Variants in EXOC2 observed in about 807,000 individuals in gnomAD.
EXOC2 encodes SEC5-like 1.
In EXOC2, 70 loss-of-function variants were observed where a neutral mutation model predicts 131.8. The observed-to-expected ratio is 0.53, with a 90% confidence interval of 0.44 to 0.65. The LOEUF (loss-of-function observed/expected upper bound fraction) is 0.65, where lower values mean the gene tolerates loss of function less well. Among genes scored for constraint, EXOC2 ranks in the 30% least tolerant of loss-of-function variants. EXOC2 has a pLI of 0.00. For missense variants in EXOC2, 923 were observed against 1,108.6 expected (o/e 0.83, Z 2.38); for synonymous variants, 411 against 398.4 (o/e 1.03, Z -0.38).
At position 638,787 on chromosome 6, in the gene EXOC2, G is replaced by A. The variant is rs561825158; in HGVS notation, c.-43-926C>T. ...TTTACTAAAAATACAAAAATTAGCCGACGTGGTGGTGCACGCCTGTAATCC... is the reference window on the plus strand; with the variant it reads ...TTTACTAAAAATACAAAAATTAGCCAACGTGGTGGTGCACGCCTGTAATCC... On this transcript the variant is annotated intron_variant, in intron 1 of 27. Coordinates refer to ENST00000230449, the MANE Select transcript of EXOC2 (RefSeq NM_018303.6). Among the ~76,000 whole-genome samples, 7 of 152,184 alleles carry A rather than the reference G, an allele frequency of 4.6e-5. No homozygotes were observed. The South Asian group carries it at 1.2e-3, about 27-fold the overall frequency.
At chr6:583,602 T>C (rs781158435) in intron 11 of EXOC2, among the ~76,000 whole-genome samples, 10 of 152,168 alleles carry the variant, frequency 6.6e-5, no homozygotes, top group Non-Finnish European at 1.0e-4. Flanking sequence ...GAAATCAAAT[T>C]CTCAAGTCCC....
rs538707324 is a variant in EXOC2, at chr6:656,056, T to C, written c.-43-18195A>G. 5 of 1,335,978 alleles carry C rather than the reference T, an allele frequency of 3.7e-6. No individual in the cohort carries two copies. The South Asian group carries it at 6.5e-5, about 17-fold the overall frequency. The allele number at this position is 1,335,978 out of a possible 1,614,324, so 82.8% of individuals were successfully genotyped here. ...AACCCAATTAACTCAGGGTCTGTTT[T>C]AGTTTTGAAAAGATCAAAACCTTAA... On this transcript the variant is annotated intron_variant, in intron 1 of 27. Coordinates refer to ENST00000230449, the MANE Select transcript of EXOC2 (RefSeq NM_018303.6).
intron 1 of EXOC2, among the ~76,000 whole-genome samples, chr6:685,251 T>C (rs1426059804): frequency 6.6e-6 from 1 of 152,140 alleles, no homozygotes; most frequent in Admixed American, 6.5e-5. Context: ...GCCTTAGCTG[T>C]CCAGAACCAC....
chr6:542,641 C>G (rs1166013765), intron 22 of EXOC2, among the ~76,000 whole-genome samples: 1 of 152,200 alleles, frequency 6.6e-6, no homozygotes, highest in Non-Finnish European at 1.5e-5. Context: ...CAGTCATTAA[C>G]CATCACCTCA....
At chr6:490,946 A>G (rs1388595405) in intron 26 of EXOC2, among the ~76,000 whole-genome samples, 179 bp downstream of exon 26, 1 of 152,216 alleles carries the variant, frequency 6.6e-6, no homozygotes, top group Non-Finnish European at 1.5e-5. Flanking sequence ...TAAATGAAAA[A>G]ATTATATTAA....
At chr6:515,117 T>C (rs1310990791) in intron 23 of EXOC2, among the ~76,000 whole-genome samples, 4 of 152,232 alleles carry the variant, frequency 2.6e-5, no homozygotes, top group Admixed American at 2.6e-4. Flanking sequence ...TTTATAACAT[T>C]GTTATGGTAT....
intron 10 of EXOC2, among the ~76,000 whole-genome samples, chr6:597,248 T>C (rs1172373587): frequency 6.7e-6 from 1 of 149,116 alleles, no homozygotes; most frequent in African/African-American, 2.5e-5. Flanking sequence ...GAGATCTCGG[T>C]TCACTGCAAC....
At chr6:599,922 T>TA (rs1450771622) in intron 7 of EXOC2, among the ~76,000 whole-genome samples, 7 of 152,170 alleles carry the variant, frequency 4.6e-5, no homozygotes, top group Admixed American at 4.6e-4. Context: ...TTGCTTTATT[T>TA]AAAGCAAAAT....
intron 2 of EXOC2, 92 bp from the exon 3 acceptor site, chr6:633,209 T>A (rs1184758435): frequency 8.8e-6 from 12 of 1,362,656 alleles, no homozygotes; most frequent in African/African-American, 1.5e-5. Flanking sequence ...CTAGTCTTGT[T>A]CAATAATGAC....
chr6:570,838 C>T (rs1032324979), intron 13 of EXOC2, among the ~76,000 whole-genome samples: 3 of 152,148 alleles, frequency 2.0e-5, no homozygotes, highest in African/African-American at 7.2e-5. Flanking sequence ...GACAGGGGAG[C>T]ATCTAATCTT....
intron 1 of EXOC2, among the ~76,000 whole-genome samples, chr6:666,370 T>G: frequency 9.8e-6 from 1 of 101,660 alleles, no homozygotes. Context: ...TGATGCAAAA[T>G]TGAGCAAATG....
intron 22 of EXOC2, among the ~76,000 whole-genome samples, chr6:541,376 A>G (rs1363890549): frequency 6.6e-6 from 1 of 152,242 alleles, no homozygotes; most frequent in African/African-American, 2.4e-5. Flanking sequence ...AAAGACAGAA[A>G]GGTTTAGAAT....
chr6:591,845 C>T (rs1415120395), intron 11 of EXOC2, among the ~76,000 whole-genome samples: 1 of 152,116 alleles, frequency 6.6e-6, no homozygotes, highest in African/African-American at 2.4e-5. Flanking sequence ...CTTCTCTCCC[C>T]CAGCTTCCCT....
intron 9 of EXOC2, 36 bp from the exon 10 acceptor site, chr6:598,159 A>G: frequency 1.3e-6 from 2 of 1,521,396 alleles, no homozygotes; most frequent in East Asian, 2.3e-5. Context: ...AGATTTACAG[A>G]ATGAAAATTT....
chr6:632,853 G>A (rs1205311846), intron 3 of EXOC2, 88 bp downstream of exon 3: 1 of 1,292,056 alleles, frequency 7.7e-7, no homozygotes, highest in African/African-American at 1.5e-5. Context: ...CAAGTAGGTA[G>A]GTTTTACACG....
intron 1 of EXOC2, among the ~76,000 whole-genome samples, chr6:680,530 GT>G (rs1764354620): frequency 6.6e-6 from 1 of 152,154 alleles, no homozygotes; most frequent in South Asian, 2.1e-4. Flanking sequence ...GTATATACAT[GT>G]TTTAGAAACG....
intron 2 of EXOC2, among the ~76,000 whole-genome samples, chr6:635,362 G>A (rs1762050703): frequency 6.6e-6 from 1 of 152,172 alleles, no homozygotes; most frequent in Admixed American, 6.5e-5. Context: ...CTTATTCATT[G>A]GGTCTCAGCT....
At chr6:530,087 C>G (rs1274118033) in intron 23 of EXOC2, among the ~76,000 whole-genome samples, 1 of 152,158 alleles carries the variant, frequency 6.6e-6, no homozygotes, top group Non-Finnish European at 1.5e-5. Context: ...TCACAAAGGA[C>G]AAGAAAATGA....
intron 22 of EXOC2, among the ~76,000 whole-genome samples, chr6:545,164 A>G (rs1756777904): frequency 6.6e-6 from 1 of 151,718 alleles, no homozygotes; most frequent in Admixed American, 6.6e-5. Flanking sequence ...AAAAAAAAAA[A>G]AAAAAAAAAA....
Sources: allele counts gnomAD v4.1 joint callset (sites outside exome capture counted in the v4.1 genomes callset), GRCh38; gene constraint gnomAD v4.1.1; transcripts MANE v1.5; gene names NCBI Gene and HGNC (gene_info 2026-07-23, HGNC 2026-07-21).